Variants in CEP72 observed in about 807,000 individuals in gnomAD.
The protein encoded by CEP72 is centrosomal protein 72, also known as centrosomal protein of 72 kDa.
In CEP72, 78 loss-of-function variants were observed where a neutral mutation model predicts 65.7. The observed-to-expected ratio is 1.19, with a 90% CI of 0.99 to 1.43. The LOEUF (loss-of-function observed/expected upper bound fraction) is 1.43, where lower values mean the gene tolerates loss of function less well. Ranked by LOEUF, CEP72 falls within the 40% of genes most tolerant of loss-of-function variation. The probability of loss-of-function intolerance (pLI) is 0.00; values close to 1 mark genes in which losing one functional copy is unlikely to be tolerated. For synonymous variants in CEP72, 358 were observed against 351.7 expected (o/e 1.02, Z -0.20); for missense variants, 914 against 832.9 (o/e 1.10, Z -1.20).
At chr5:636,474 C>T (rs7711748) in intron 6 of CEP72, among the ~76,000 whole-genome samples, 6,422 of 152,276 alleles carry the variant, frequency 0.042, 452 homozygotes, top group African/African-American at 0.15. Context: ...TCACGTGATA[C>T]CATGTGATGG....
intron 10 of CEP72, among the ~76,000 whole-genome samples, chr5:646,149 C>T (rs1004329109): frequency 1.3e-5 from 2 of 152,250 alleles, no homozygotes; most frequent in African/African-American, 4.8e-5. Context: ...TGCTTCGTGG[C>T]TGTTTCCAGA....
chr5:644,553 G>C, intron 10 of CEP72, 128 bp downstream of exon 10: 1 of 1,100,154 alleles, frequency 9.1e-7, no homozygotes, highest in South Asian at 1.5e-5. Flanking sequence ...GTGGGGAGCC[G>C]AGCCCCTGCC....
chr5:626,984 A>G (rs1736797111), intron 4 of CEP72, among the ~76,000 whole-genome samples: 1 of 152,120 alleles, frequency 6.6e-6, no homozygotes, highest in Non-Finnish European at 1.5e-5. Flanking sequence ...TGGTTTTCTT[A>G]TATTGCCTTT....
In CEP72 at chr5:640,426, T is replaced by C. The variant is rs901737149; in HGVS notation, c.1361T>C (p.Leu454Ser). 1.2e-6 allele frequency: 2 copies of C among 1,613,902 alleles called. No individual in the cohort carries two copies. The highest frequency in any genetic ancestry group is 2.7e-5 in the African/African-American group (2 of 74,944). ...EAFLAQARHILSSVEEFTAAQ... is the reference protein window; with the variant it reads ...EAFLAQARHISSSVEEFTAAQ... ...CTCCTAGCTCAGGCAAGACACATCT[T>C]GTCATCTGTTGAAGAATTCACAGCA... is the stretch of plus-strand genomic sequence containing the variant. Residue 454 changes from leucine (L) to serine (S), a missense_variant, in exon 9 of 12, where the codon TTG becomes TCG. Physicochemically the swap from Leu to Ser is moderately radical, Grantham distance 145. Coordinates refer to ENST00000264935, the MANE Select transcript of CEP72 (RefSeq NM_018140.4).
At chr5:654,232 TGCTA>T (rs1043958092), downstream of CEP72, among the ~76,000 whole-genome samples, 31 of 149,962 alleles carry the variant, frequency 2.1e-4, no homozygotes, top group Middle Eastern at 3.2e-3. Context: ...GCTGTGTGTG[TGCTA>T]GCTGTGTGTG....
downstream of CEP72, among the ~76,000 whole-genome samples, chr5:668,098 A>G (rs58980952): frequency 6.0e-4 from 41 of 68,448 alleles, 6 homozygotes; most frequent in African/African-American, 7.5e-4. Context: ...CGTGGGCCCC[A>G]TCAGGGAAGT....
chr5:665,905 C>T (rs1302236456), intron 3 of CEP72: 4 of 866,620 alleles, frequency 4.6e-6, no homozygotes, highest in Non-Finnish European at 6.1e-6. Context: ...CCCCAGGCAC[C>T]ACCCACCTTC....
At position 647,926 on chromosome 5, in the gene CEP72, C is replaced by T. The variant is rs778810137; in HGVS notation, c.1778+10C>T. On this transcript the variant is annotated intron_variant, in intron 11 of 11. Transcript: ENST00000264935. The stretch of plus-strand genomic sequence containing the variant: ...TGCAGGAGAGCCACAGGTGCCTGCC[C>T]GTGAGACTTGGGTGGGCCCCCGAGG... 31 of 1,599,212 alleles carry T rather than the reference C, an allele frequency of 1.9e-5. No individual in the cohort carries two copies. The East Asian group carries it at 3.3e-4, about 17-fold the overall frequency.
intron 1 of CEP72, chr5:663,221 A>C (rs1305982785): frequency 6.6e-6 from 1 of 152,382 alleles, no homozygotes; most frequent in East Asian, 1.9e-4. Context: ...TGATCGGGTG[A>C]TTCCGAACCG....
At chr5:641,243 CA>C (rs1178547446) in intron 9 of CEP72, 12 of 985,290 alleles carry the variant, frequency 1.2e-5, no homozygotes, top group Non-Finnish European at 1.4e-5. Flanking sequence ...CTCCACGCTG[CA>C]AGGGCCTCCC....
At chr5:669,057 G>C (rs1173109980), downstream of CEP72, among the ~76,000 whole-genome samples, 1 of 152,242 alleles carries the variant, frequency 6.6e-6, no homozygotes, top group African/African-American at 2.4e-5. Flanking sequence ...AAATCGCGCT[G>C]AGAAACACAC....
chr5:673,584 G>A, the CEP72 span, among the ~76,000 whole-genome samples: 5 of 152,272 alleles, frequency 3.3e-5, no homozygotes, highest in South Asian at 6.2e-4. Flanking sequence ...CCAGCCTGCC[G>A]ACCAGGCTGC....
chr5:664,377 T>A (rs1739808856), intron 2 of CEP72: 1 of 152,366 alleles, frequency 6.6e-6, no homozygotes, highest in Admixed American at 6.5e-5. Flanking sequence ...AAAGCGAGCC[T>A]ACTCTACCCT....
chr5:625,473 G>A lies in CEP72; in HGVS notation c.512+894G>A, dbSNP rs185127527. Among the ~76,000 whole-genome samples, 470 of 152,312 alleles carry A rather than the reference G, an allele frequency of 3.1e-3. 4 individuals carry two copies. The highest frequency in any genetic ancestry group is 5.1e-3 in the Non-Finnish European group (345 of 68,030). On this transcript the variant is annotated intron_variant, in intron 4 of 11. Coordinates refer to ENST00000264935, the MANE Select transcript of CEP72 (RefSeq NM_018140.4). ...CTTCTTAGCTCTGCCTTTGCAGGGC[G>A]GAGGCAGCCATTGGCAGCACGGAAG...
At chr5:629,314 T>G (rs1006714587) in intron 4 of CEP72, among the ~76,000 whole-genome samples, 19 of 152,284 alleles carry the variant, frequency 1.2e-4, no homozygotes, top group African/African-American at 4.6e-4. Context: ...CACGTGTATC[T>G]CCTTGTGGAT....
At chr5:625,422 T>C (rs1271535941) in intron 4 of CEP72, among the ~76,000 whole-genome samples, 1 of 152,216 alleles carries the variant, frequency 6.6e-6, no homozygotes, top group African/African-American at 2.4e-5. Context: ...TTTTGGGCCC[T>C]GGAGGCTGCG....
intron 1 of CEP72, among the ~76,000 whole-genome samples, chr5:616,463 A>G (rs1735995293): frequency 6.6e-6 from 1 of 151,928 alleles, no homozygotes; most frequent in African/African-American, 2.4e-5. Context: ...TCTTGGTGGT[A>G]TCTGTTGATT....
intron 2 of CEP72, chr5:664,060 G>A (rs1373124839): frequency 1.3e-5 from 2 of 152,506 alleles, no homozygotes; most frequent in East Asian, 1.9e-4. Flanking sequence ...CTGCAGGACT[G>A]GGGGTCCTCC....
intron 1 of CEP72, chr5:662,135 C>G (rs1370943234): frequency 1.3e-5 from 2 of 152,484 alleles, no homozygotes; most frequent in Admixed American, 1.3e-4. Flanking sequence ...TGAATGAGCT[C>G]ACCTCCAGGG....
Sources: gnomAD v4.1 joint callset for allele counts (sites outside exome capture counted in the v4.1 genomes callset) on GRCh38, gnomAD v4.1.1 for gene constraint, MANE v1.5 for transcripts, NCBI Gene and HGNC (gene_info 2026-07-23, HGNC 2026-07-21) for gene names.